Variants in CNTN4 observed in about 807,000 individuals in gnomAD.
CNTN4 encodes the protein contactin-4.
In CNTN4, 77 loss-of-function variants were observed where a neutral mutation model predicts 122.5. The observed-to-expected ratio is 0.63, with a 90% CI of 0.52 to 0.76. The LOEUF (loss-of-function observed/expected upper bound fraction) is 0.76. Ranked by LOEUF, CNTN4 falls within the 30% of genes least tolerant of loss-of-function variation. CNTN4 has a pLI of 0.00. For missense variants in CNTN4, 1,256 were observed against 1,259.1 expected (o/e 1.00, Z 0.04); for synonymous variants, 512 against 447.0 (o/e 1.15, Z -1.83).
chr3:2,237,836 A>T (rs1407908115), intron 2 of CNTN4, among the ~76,000 whole-genome samples: 1 of 152,200 alleles, frequency 6.6e-6, no homozygotes, highest in East Asian at 1.9e-4. Context: ...AAGATTAAAT[A>T]ATTAATTTTG....
chr3:2,585,710 G>T (rs886222761), intron 4 of CNTN4, among the ~76,000 whole-genome samples: 1 of 150,886 alleles, frequency 6.6e-6, no homozygotes, highest in Non-Finnish European at 1.5e-5. Flanking sequence ...GAGGGGTAGG[G>T]ATAGCATTAG....
chr3:2,675,480 T>A (rs2084791892), intron 4 of CNTN4, among the ~76,000 whole-genome samples: 1 of 152,232 alleles, frequency 6.6e-6, no homozygotes, highest in Non-Finnish European at 1.5e-5. Flanking sequence ...ATTTCCCTAT[T>A]TTGATAGCGC....
At chr3:2,799,859 A>C (rs1037925958) in intron 6 of CNTN4, among the ~76,000 whole-genome samples, 8 of 151,936 alleles carry the variant, frequency 5.3e-5, no homozygotes, top group Non-Finnish European at 8.8e-5. Flanking sequence ...ATGACAATCC[A>C]TTTTTCCCAG....
At chr3:3,051,676 G>A (rs1004944369) in intron 23 of CNTN4, among the ~76,000 whole-genome samples, 2 of 152,202 alleles carry the variant, frequency 1.3e-5, no homozygotes, top group African/African-American at 4.8e-5. Context: ...CGGAGAAGAA[G>A]GGGACACTTA....
chr3:2,399,130 T>A (rs903424433), intron 3 of CNTN4, among the ~76,000 whole-genome samples: 3 of 151,974 alleles, frequency 2.0e-5, no homozygotes, highest in Admixed American at 1.3e-4. Flanking sequence ...AAAAAAATAA[T>A]ATCCTTTAGG....
chr3:2,764,305 A>G (rs1180232792), intron 6 of CNTN4, among the ~76,000 whole-genome samples: 2 of 152,246 alleles, frequency 1.3e-5, no homozygotes, highest in Non-Finnish European at 2.9e-5. Context: ...ATTAACATAG[A>G]GAGCATTAAG....
chr3:2,232,099 G>T (rs910497272), intron 2 of CNTN4, among the ~76,000 whole-genome samples: 1 of 152,038 alleles, frequency 6.6e-6, no homozygotes, highest in African/African-American at 2.4e-5. Context: ...TCTGAGACCT[G>T]TCTGAAATTT....
At chr3:2,495,183 A>T (rs569911931) in intron 3 of CNTN4, among the ~76,000 whole-genome samples, 2 of 152,212 alleles carry the variant, frequency 1.3e-5, no homozygotes, top group Non-Finnish European at 2.9e-5. Context: ...GTCTAAAATG[A>T]CAGGCCTTCA....
At chr3:2,223,837 T>C (rs1247865801) in intron 2 of CNTN4, among the ~76,000 whole-genome samples, 1 of 152,020 alleles carries the variant, frequency 6.6e-6, no homozygotes, top group Non-Finnish European at 1.5e-5. Context: ...AAACCCTAAT[T>C]ACATATGTAA....
At chr3:2,334,218 C>T (rs1198439665) in intron 2 of CNTN4, among the ~76,000 whole-genome samples, 4 of 152,110 alleles carry the variant, frequency 2.6e-5, no homozygotes, top group Non-Finnish European at 4.4e-5. Context: ...AGTACAGTGG[C>T]AGGATCTTGG....
chr3:2,539,510 A>G (rs1219361561), intron 3 of CNTN4, among the ~76,000 whole-genome samples: 1 of 152,122 alleles, frequency 6.6e-6, no homozygotes, highest in Non-Finnish European at 1.5e-5. Context: ...TCTTGAGAAC[A>G]AAAGTATTTA....
At chr3:2,821,186 A>G (rs2092862207) in intron 7 of CNTN4, among the ~76,000 whole-genome samples, 1 of 151,922 alleles carries the variant, frequency 6.6e-6, no homozygotes, top group Non-Finnish European at 1.5e-5. Context: ...CAAACTCCTG[A>G]CCTCAAGTGA....
chr3:2,594,042 G>C (rs1024208841), intron 4 of CNTN4, among the ~76,000 whole-genome samples: 1 of 152,058 alleles, frequency 6.6e-6, no homozygotes, highest in African/African-American at 2.4e-5. Context: ...ACTTATTTGA[G>C]AACAGCATGA....
intron 7 of CNTN4, among the ~76,000 whole-genome samples, chr3:2,857,586 T>C (rs756409301): frequency 3.3e-5 from 5 of 152,128 alleles, no homozygotes; most frequent in Non-Finnish European, 7.4e-5. Flanking sequence ...ATTTTTTGTT[T>C]TGTTTTTTTG....
chr3:3,052,648 G>T (rs1359043045), intron 23 of CNTN4, among the ~76,000 whole-genome samples: 1 of 152,176 alleles, frequency 6.6e-6, no homozygotes, highest in Non-Finnish European at 1.5e-5. Flanking sequence ...CCAGGTAAGT[G>T]AATGTGTTTT....
At chr3:2,918,336 C>T (rs1649472959) in intron 12 of CNTN4, among the ~76,000 whole-genome samples, 1 of 152,146 alleles carries the variant, frequency 6.6e-6, no homozygotes, top group Admixed American at 6.5e-5. Context: ...AAGTTCTTAC[C>T]TTCTCAGTCC....
rs139004208 is a variant in CNTN4 at position 2,434,415 on chromosome 3, G to T, written c.-89+95182G>T. Among the ~76,000 whole-genome samples, 260 of 152,312 alleles carry T rather than the reference G, an allele frequency of 1.7e-3. 1 individual carries two copies. Among genetic ancestry groups the T allele is most frequent in the African/African-American group, 5.9e-3 (247 of 41,566 alleles). ...GGCATGTGCAAAAGTCTTGAGCTAG[G>T]AAAGAATTTGGGACATTCAGCCACT... On this transcript the variant is annotated intron_variant, in intron 3 of 24. Coordinates refer to ENST00000418658, the MANE Select transcript of CNTN4 (RefSeq NM_175607.3).
intron 2 of CNTN4, among the ~76,000 whole-genome samples, chr3:2,107,382 T>C (rs1447744123): frequency 4.6e-5 from 7 of 152,046 alleles, no homozygotes; most frequent in African/African-American, 1.7e-4. Flanking sequence ...CTTAAAATCA[T>C]GGTGGAAGGG....
chr3:2,575,106 G>A (rs571637360), intron 4 of CNTN4, among the ~76,000 whole-genome samples: 1 of 151,866 alleles, frequency 6.6e-6, no homozygotes, highest in African/African-American at 2.4e-5. Flanking sequence ...AACATTTAAG[G>A]TTCTGGATAT....
Sources: allele counts gnomAD v4.1 joint callset (sites outside exome capture counted in the v4.1 genomes callset), GRCh38; gene constraint gnomAD v4.1.1; transcripts MANE v1.5; gene names NCBI Gene and HGNC (gene_info 2026-07-23, HGNC 2026-07-21).